The following DDC variants were observed in gnomAD, a reference collection of about 807,000 sequenced individuals.
The protein encoded by DDC is aromatic-L-amino-acid decarboxylase.
DDC carries 43 observed loss-of-function variants against 60.0 expected under a neutral mutation model. The ratio of observed to expected loss-of-function variants is 0.72; its 90% CI spans 0.56 to 0.92. The LOEUF (loss-of-function observed/expected upper bound fraction) is 0.92, where lower values mean the gene tolerates loss of function less well. Among genes scored for constraint, DDC ranks in the 40% least tolerant of loss-of-function variants. The probability of loss-of-function intolerance (pLI) is 0.00; values close to 1 mark genes in which losing one functional copy is unlikely to be tolerated. For synonymous variants in DDC, 232 were observed against 234.6 expected, an observed-to-expected ratio of 0.99 and a Z score of 0.10; for missense variants, 573 against 620.2, an observed-to-expected ratio of 0.92 and a Z score of 0.81.
intron 9 of DDC, among the ~76,000 whole-genome samples, chr7:50,481,299 C>T (rs1021303982): frequency 6.6e-6 from 1 of 152,176 alleles, no homozygotes; most frequent in Non-Finnish European, 1.5e-5. Flanking sequence ...AAGAAAATTG[C>T]ACCTAATTTT....
intron 11 of DDC, among the ~76,000 whole-genome samples, chr7:50,474,302 C>T (rs534500888): frequency 8.5e-5 from 13 of 152,138 alleles, no homozygotes; most frequent in East Asian, 5.8e-4. Flanking sequence ...ATTAGCAGTG[C>T]GGAAAGGGCC....
intron 6 of DDC, among the ~76,000 whole-genome samples, chr7:50,505,697 C>G (rs2043374836): frequency 1.3e-5 from 2 of 152,244 alleles, no homozygotes; most frequent in Admixed American, 1.3e-4. Flanking sequence ...GGACAAGGTA[C>G]TTCTCAGACA....
chr7:50,467,021 C>G (rs546450355), intron 13 of DDC, among the ~76,000 whole-genome samples, 193 bp downstream of exon 13: 1 of 152,206 alleles, frequency 6.6e-6, no homozygotes. Context: ...CTTGAGGAAG[C>G]GGGAACAGCC....
At chr7:50,520,866 C>T (rs2043869400) in intron 6 of DDC, among the ~76,000 whole-genome samples, 1 of 151,398 alleles carries the variant, frequency 6.6e-6, no homozygotes, top group African/African-American at 2.4e-5. Context: ...CCACTGCATT[C>T]CAGCCTAGGC....
chr7:50,486,138 G>A (rs1488722675), intron 9 of DDC, among the ~76,000 whole-genome samples: 1 of 152,204 alleles, frequency 6.6e-6, no homozygotes, highest in Non-Finnish European at 1.5e-5. Flanking sequence ...GAACAAAAGT[G>A]ACCCTGATTT....
intron 6 of DDC, among the ~76,000 whole-genome samples, chr7:50,525,013 A>T: frequency 6.6e-6 from 1 of 152,256 alleles, no homozygotes; most frequent in East Asian, 1.9e-4. Context: ...GAAAAGGAAC[A>T]TACTATTGAT....
In DDC at chr7:50,479,814, A is replaced by T; in HGVS notation, c.994T>A (p.Tyr332Asn). 6.2e-7 allele frequency: 1 copy of T among 1,613,780 alleles called. No individual in the cohort carries two copies. Among genetic ancestry groups the T allele is most frequent in the Non-Finnish European group, 8.5e-7 (1 of 1,180,006 alleles). Residue 332 changes from tyrosine (Y) to asparagine (N), a missense_variant, in exon 10 of 15, where the codon TAC (tyrosine) becomes AAC (asparagine). Coordinates refer to ENST00000444124, the MANE Select transcript of DDC (RefSeq NM_001082971.2). Reference sequence around the variant, plus strand: ...GAATCCTGATGGCTGTGCTTCAGGTAAGTGGGGTCCAGTCTAAAGGCTCCC... The same window carrying T: ...GAATCCTGATGGCTGTGCTTCAGGTTAGTGGGGTCCAGTCTAAAGGCTCCC... The part of the protein sequence containing the change: ...LTGAFRLDPT[Y>N]LKHSHQDSGL...
intron 7 of DDC, among the ~76,000 whole-genome samples, chr7:50,503,028 C>T (rs542234360): frequency 8.5e-5 from 13 of 152,322 alleles, no homozygotes; most frequent in Non-Finnish European, 1.5e-4. Context: ...GGGAGGCCAA[C>T]GCCCAGGAGA....
chr7:50,499,271 C>T (rs998212169), intron 7 of DDC, 29 bp from the exon 8 acceptor site: 1 of 1,520,682 alleles, frequency 6.6e-7, no homozygotes, highest in East Asian at 2.3e-5. Flanking sequence ...TTGTGAGTCC[C>T]CAGATGGATG....
chr7:50,548,435 A>T (rs2044876938), intron 1 of DDC, among the ~76,000 whole-genome samples: 1 of 152,246 alleles, frequency 6.6e-6, no homozygotes, highest in African/African-American at 2.4e-5. Flanking sequence ...TGAGCACATG[A>T]ATGCTAAGCA....
At chr7:50,495,939 T>G (rs1277863630) in intron 8 of DDC, among the ~76,000 whole-genome samples, 1 of 152,234 alleles carries the variant, frequency 6.6e-6, no homozygotes, top group East Asian at 1.9e-4. Context: ...GTTCTCAGAC[T>G]ACACGTGTCA....
intron 1 of DDC, chr7:50,564,178 T>A (rs1312093939): frequency 6.6e-6 from 1 of 152,226 alleles, no homozygotes; most frequent in African/African-American, 2.4e-5. Context: ...AAATGTCACA[T>A]ATCCACTTTG....
chr7:50,565,146 G>A (rs1478819850), intron 1 of DDC, 139 bp downstream of exon 1: 3 of 152,404 alleles, frequency 2.0e-5, no homozygotes, highest in Non-Finnish European at 4.4e-5. Context: ...GCCTGCAGCA[G>A]AAGAGAAAGC....
chr7:50,465,201 A>G (rs1407096729), intron 13 of DDC, among the ~76,000 whole-genome samples: 1 of 152,254 alleles, frequency 6.6e-6, no homozygotes, highest in Non-Finnish European at 1.5e-5. Flanking sequence ...TTTCATTTAT[A>G]CAAATGTCCA....
At chr7:50,525,389 A>C (rs2044010209) in intron 6 of DDC, among the ~76,000 whole-genome samples, 1 of 152,224 alleles carries the variant, frequency 6.6e-6, no homozygotes, top group African/African-American at 2.4e-5. Context: ...TGGAACAATT[A>C]GGGGAAATTG....
chr7:50,519,149 C>T (rs986319352), intron 6 of DDC, among the ~76,000 whole-genome samples: 4 of 152,066 alleles, frequency 2.6e-5, no homozygotes, highest in African/African-American at 7.2e-5. Flanking sequence ...AAATGCTCAA[C>T]ATCACTAATA....
chr7:50,459,344 A>G (rs1408625549), intron 14 of DDC, among the ~76,000 whole-genome samples: 1 of 152,154 alleles, frequency 6.6e-6, no homozygotes, highest in Non-Finnish European at 1.5e-5. Context: ...TGGCCTCCCA[A>G]AGTGCCGAGA....
At chr7:50,562,784 G>A (rs571254034) in intron 1 of DDC, among the ~76,000 whole-genome samples, 8 of 152,330 alleles carry the variant, frequency 5.3e-5, no homozygotes, top group African/African-American at 1.9e-4. Flanking sequence ...ATGAGGAGGT[G>A]CTGATATTTT....
intron 8 of DDC, among the ~76,000 whole-genome samples, chr7:50,497,169 G>A (rs571151929): frequency 1.3e-5 from 2 of 152,182 alleles, no homozygotes; most frequent in Admixed American, 1.3e-4. Context: ...ACAGGATATT[G>A]CAGCCTCCTT....
Sources: gnomAD v4.1 joint callset for allele counts (sites outside exome capture counted in the v4.1 genomes callset) on GRCh38, gnomAD v4.1.1 for gene constraint, MANE v1.5 for transcripts, NCBI Gene and HGNC (gene_info 2026-07-23, HGNC 2026-07-21) for gene names.